The following PIP4K2A variants were observed in gnomAD, a reference collection of about 807,000 sequenced individuals.
PIP4K2A encodes the protein phosphatidylinositol 5-phosphate 4-kinase type-2 alpha.
Under a neutral mutation model 42.9 loss-of-function variants are expected in PIP4K2A, and 14 were observed. The ratio of observed to expected loss-of-function variants is 0.33; its 90% CI spans 0.22 to 0.51. The LOEUF (loss-of-function observed/expected upper bound fraction) is 0.51, where lower values mean the gene tolerates loss of function less well. Ranked by LOEUF, PIP4K2A falls within the 20% of genes least tolerant of loss-of-function variation. The pLI, the probability that PIP4K2A is intolerant of heterozygous loss-of-function variation, is 0.97. For missense variants in PIP4K2A, 434 were observed against 519.8 expected (o/e 0.83, Z 1.61); for synonymous variants, 192 against 192.2 (o/e 1.00, Z 0.01).
intron 1 of PIP4K2A, among the ~76,000 whole-genome samples, chr10:22,654,048 A>G (rs1839044823): frequency 6.6e-6 from 1 of 152,090 alleles, no homozygotes; most frequent in Non-Finnish European, 1.5e-5. Context: ...GTCTCTCCTC[A>G]CTATGGGGCT....
At chr10:22,589,033 C>G (rs1403177170) in intron 4 of PIP4K2A, among the ~76,000 whole-genome samples, 3 of 152,112 alleles carry the variant, frequency 2.0e-5, no homozygotes, top group African/African-American at 7.2e-5. Flanking sequence ...ATAACTAACC[C>G]AGAGAAAACA....
intron 1 of PIP4K2A, among the ~76,000 whole-genome samples, chr10:22,636,572 T>A (rs1052887425): frequency 3.3e-5 from 5 of 151,440 alleles, no homozygotes; most frequent in African/African-American, 1.2e-4. Flanking sequence ...TCAAAACTTA[T>A]TATGCACTCA....
In PIP4K2A at chr10:22,614,650, G is replaced by C. The variant is rs536614562; in HGVS notation, c.145-4933C>G. The stretch of plus-strand genomic sequence containing the variant: ...TATTTTTTCAATAGTGTACCCATGA[G>C]CCTCTATATTATTTTTTCTACAACA... On this transcript the variant is annotated intron_variant, in intron 1 of 9. Transcript: ENST00000376573. Among the ~76,000 whole-genome samples, 12 of 152,192 alleles carry C rather than the reference G, an allele frequency of 7.9e-5. No homozygotes were observed. The South Asian group carries it at 2.5e-3, about 32-fold the overall frequency.
intron 1 of PIP4K2A, among the ~76,000 whole-genome samples, chr10:22,680,395 T>C (rs1588703246): frequency 1.3e-5 from 2 of 152,226 alleles, no homozygotes; most frequent in Admixed American, 1.3e-4. Context: ...TATCCTTTTC[T>C]AAATCTTCTC....
intron 1 of PIP4K2A, among the ~76,000 whole-genome samples, chr10:22,643,099 C>T (rs1838813363): frequency 6.6e-6 from 1 of 152,116 alleles, no homozygotes; most frequent in African/African-American, 2.4e-5. Context: ...GACACCTCAT[C>T]AGGATGGGGA....
intron 6 of PIP4K2A, among the ~76,000 whole-genome samples, chr10:22,558,052 C>T (rs1033446018): frequency 6.6e-6 from 1 of 152,158 alleles, no homozygotes; most frequent in African/African-American, 2.4e-5. Context: ...CATTTGGCAA[C>T]CTATTTATTA....
chr10:22,584,690 G>T (rs1837352817), intron 4 of PIP4K2A, among the ~76,000 whole-genome samples: 1 of 152,150 alleles, frequency 6.6e-6, no homozygotes, highest in South Asian at 2.1e-4. Context: ...TGGGCCACAG[G>T]AACTCCCAAG....
intron 3 of PIP4K2A, among the ~76,000 whole-genome samples, chr10:22,603,592 T>C (rs1264472900): frequency 1.3e-5 from 2 of 152,226 alleles, no homozygotes; most frequent in African/African-American, 4.8e-5. Flanking sequence ...TGGTATGCAA[T>C]AGTTTTTAAA....
chr10:22,679,396 A>G (rs1005287559), intron 1 of PIP4K2A, among the ~76,000 whole-genome samples: 7 of 152,218 alleles, frequency 4.6e-5, no homozygotes, highest in Non-Finnish European at 1.0e-4. Flanking sequence ...GGATGGCTAT[A>G]AGAAGAAGGA....
chr10:22,683,685 C>T (rs992812972), intron 1 of PIP4K2A, among the ~76,000 whole-genome samples: 1 of 152,106 alleles, frequency 6.6e-6, no homozygotes, highest in Non-Finnish European at 1.5e-5. Flanking sequence ...CTGTTGAGCA[C>T]GTGTTTATCA....
chr10:22,579,342 G>A (rs994998598), intron 4 of PIP4K2A, among the ~76,000 whole-genome samples: 3 of 152,218 alleles, frequency 2.0e-5, no homozygotes, highest in South Asian at 2.1e-4. Flanking sequence ...ATATCAATCT[G>A]TCACTGAATA....
chr10:22,607,382 G>A lies in PIP4K2A; in HGVS notation c.339+545C>T, dbSNP rs11013063. Among the ~76,000 whole-genome samples the A allele has an allele frequency of 6.0e-3, 921 of 152,272 alleles. 5 individuals are homozygous for A. Among genetic ancestry groups the A allele is most frequent in the African/African-American group, 0.02 (849 of 41,544 alleles). ...AAGAGGAAGATGTACCACAGGACAC[G>A]CCCAGGATGTTGGGTTCCTGGTGCT... On this transcript the variant is annotated intron_variant, in intron 3 of 9. Coordinates refer to ENST00000376573, the MANE Select transcript of PIP4K2A (RefSeq NM_005028.5).
At chr10:22,570,328 A>G (rs10508648) in intron 5 of PIP4K2A, among the ~76,000 whole-genome samples, 9,460 of 152,344 alleles carry the variant, frequency 0.062, 899 homozygotes, top group African/African-American at 0.21. Flanking sequence ...TTAACAAGTC[A>G]TAAAAGAACA....
chr10:22,708,802 T>G (rs1222849847), intron 1 of PIP4K2A, among the ~76,000 whole-genome samples: 1 of 152,194 alleles, frequency 6.6e-6, no homozygotes, highest in Non-Finnish European at 1.5e-5. Flanking sequence ...GTTTCACATT[T>G]AGTGGGAGCC....
intron 1 of PIP4K2A, among the ~76,000 whole-genome samples, chr10:22,699,445 T>G (rs1368347816): frequency 1.3e-5 from 2 of 151,560 alleles, no homozygotes; most frequent in Non-Finnish European, 2.9e-5. Context: ...CTGAAAAAGG[T>G]AGCTGCTGAG....
At chr10:22,554,930 C>G (rs907426740) in intron 6 of PIP4K2A, among the ~76,000 whole-genome samples, 4 of 152,244 alleles carry the variant, frequency 2.6e-5, no homozygotes, top group Non-Finnish European at 4.4e-5. Context: ...CAGAGCCAGG[C>G]TAGCACAGGC....
At chr10:22,539,889 G>T in intron 9 of PIP4K2A, 82 bp downstream of exon 9, 1 of 638,346 alleles carries the variant, frequency 1.6e-6, no homozygotes. Flanking sequence ...GGAGCCAGGA[G>T]AGAGAGAGAG....
intron 9 of PIP4K2A, among the ~76,000 whole-genome samples, chr10:22,538,888 G>C (rs971711520): frequency 6.6e-6 from 1 of 152,172 alleles, no homozygotes; most frequent in Non-Finnish European, 1.5e-5. Flanking sequence ...TTGGCAAATA[G>C]AATACTGTGT....
chr10:22,639,594 C>T (rs760240866), intron 1 of PIP4K2A, among the ~76,000 whole-genome samples: 3 of 151,906 alleles, frequency 2.0e-5, no homozygotes, highest in Non-Finnish European at 4.4e-5. Flanking sequence ...CGCGGAATAT[C>T]CTGAAATTTC....
Sources: allele counts gnomAD v4.1 joint callset (sites outside exome capture counted in the v4.1 genomes callset), GRCh38; gene constraint gnomAD v4.1.1; transcripts MANE v1.5; gene names NCBI Gene and HGNC (gene_info 2026-07-23, HGNC 2026-07-21).